TSBP1: variants seen among roughly 807,000 people sequenced by gnomAD.
TSBP1 encodes testis-expressed basic protein 1.
A neutral mutation model predicts 68.8 loss-of-function variants in TSBP1; 56 were observed. The observed-to-expected ratio is 0.81, with a 90% CI of 0.66 to 1.02. The LOEUF is 1.02. TSBP1 is among the 50% of genes least tolerant of loss of function. The pLI, the probability that TSBP1 is intolerant of heterozygous loss-of-function variation, is 0.00. For synonymous variants in TSBP1, 171 were observed against 208.7 expected (o/e 0.82, Z 1.56); for missense variants, 502 against 641.2 (o/e 0.78, Z 2.34).
At position 32,365,586 on chromosome 6, in the gene TSBP1, T is replaced by C. The variant is rs1357061591; in HGVS notation, c.217+581A>G. ...TCAATGTTCTGGGTGGAGTGAGAAA[T>C]AAGTGGGCTTATCGGACAGCATCCT... On this transcript the variant is annotated intron_variant, in intron 6 of 22. Transcript: ENST00000612031. This position sits in a 1 kb window ranked among gnomAD's most constrained non-coding sequence, Gnocchi z 4.3. 3 of 456,436 alleles carry C rather than the reference T, an allele frequency of 6.6e-6. No individual in the cohort carries two copies. The highest frequency in any genetic ancestry group is 6.0e-5 in the African/African-American group (3 of 50,140). 28.3% of individuals were successfully genotyped at this position (456,436 alleles called of 1,614,324 possible).
In TSBP1 at chr6:32,321,011, T is replaced by C. The variant is rs938249631; in HGVS notation, c.559+2106A>G. On this transcript the variant is annotated intron_variant, in intron 18 of 22. Transcript: ENST00000612031. The surrounding 1 kb of genome is among the most constrained non-coding windows in gnomAD (Gnocchi z 4.3). The stretch of plus-strand genomic sequence containing the variant: ...TCCATCCGTGTTCCAGCAAAGGACA[T>C]GATCTCATTCTTTTTTTGGCTGCGT... 3.3e-5 allele frequency among the ~76,000 whole-genome samples: 5 copies of C among 152,208 alleles called. No individual in the cohort carries two copies. Among genetic ancestry groups the C allele is most frequent in the African/African-American group, 9.6e-5 (4 of 41,452 alleles).
chr6:32,316,552 A>G lies in TSBP1; in HGVS notation c.560-760T>C. 1 of 691,066 alleles carries G rather than the reference A, an allele frequency of 1.4e-6. No individual in the cohort carries two copies. The highest frequency in any genetic ancestry group is 2.5e-6 in the Non-Finnish European group (1 of 397,488). The allele number at this position is 691,066 out of a possible 1,614,324, so 42.8% of individuals were successfully genotyped here. On this transcript the variant is annotated intron_variant, in intron 18 of 22. Coordinates refer to ENST00000612031, the Ensembl canonical transcript of TSBP1. The surrounding 1 kb of genome is among the most constrained non-coding windows in gnomAD (Gnocchi z 4.5). ...GGCTAATTCTCTGTTAAAAGCTCCA[A>G]TTCTTTATGACTGCATTCTTGGGTA... is the stretch of plus-strand genomic sequence containing the variant.
chr6:32,323,105 T>C lies in TSBP1; in HGVS notation c.559+12A>G, dbSNP rs1184223338. The C allele has an allele frequency of 1.3e-6, 2 of 1,568,764 alleles. No homozygotes were observed. Among genetic ancestry groups the C allele is most frequent in the Non-Finnish European group, 1.7e-6 (2 of 1,143,848 alleles). ...TAGAGAACCAAAGAAGAAAAAGAGA[T>C]GTTATACTTACTTATGGGTGCCATG... On this transcript the variant is annotated intron_variant, in intron 18 of 22. Coordinates refer to ENST00000612031, the Ensembl canonical transcript of TSBP1.
Position 32,325,921 on chromosome 6 carries a change from G to T in TSBP1, c.515-2307C>A. 6.4e-7 allele frequency: 1 copy of T among 1,554,628 alleles called. No individual in the cohort carries two copies. Among genetic ancestry groups the T allele is most frequent in the East Asian group, 2.2e-5 (1 of 44,670 alleles). Reference sequence around the variant, plus strand: ...CTTTGGTGGCAGCTGTGGTGGTGGTGGATATGGTGGCAGTGAGGATGGCTA... The same window carrying T: ...CTTTGGTGGCAGCTGTGGTGGTGGTTGATATGGTGGCAGTGAGGATGGCTA... On this transcript the variant is annotated intron_variant, in intron 16 of 22. Transcript: ENST00000612031. This position sits in a 1 kb window ranked among gnomAD's most constrained non-coding sequence, Gnocchi z 4.4.
intron 8 of TSBP1, 115 bp downstream of exon 8, chr6:32,355,009 T>A (rs940154074): frequency 1.3e-6 from 1 of 760,704 alleles, no homozygotes; most frequent in Admixed American, 2.7e-5. Flanking sequence ...TATACAAGTG[T>A]TAATTATTTT....
chr6:32,325,935 T>G lies in TSBP1; in HGVS notation c.515-2321A>C. Reference sequence around the variant, plus strand: ...GTGGTGGTGGTGGATATGGTGGCAGTGAGGATGGCTATAATGGATTTGGTA... The same window carrying G: ...GTGGTGGTGGTGGATATGGTGGCAGGGAGGATGGCTATAATGGATTTGGTA... On this transcript the variant is annotated intron_variant, in intron 16 of 22. Transcript: ENST00000612031. This position sits in a 1 kb window ranked among gnomAD's most constrained non-coding sequence, Gnocchi z 4.4. 6.4e-7 allele frequency: 1 copy of G among 1,559,794 alleles called. No homozygotes were observed. The highest frequency in any genetic ancestry group is 8.7e-7 in the Non-Finnish European group (1 of 1,145,508).
intron 6 of TSBP1, among the ~76,000 whole-genome samples, chr6:32,360,973 G>A (rs1269695030): frequency 6.6e-6 from 1 of 151,532 alleles, no homozygotes. Context: ...TTGGTGTGCT[G>A]CACCCATTAA....
At chr6:32,317,758 C>T (rs574272700) in intron 18 of TSBP1, among the ~76,000 whole-genome samples, 3 of 152,174 alleles carry the variant, frequency 2.0e-5, no homozygotes, top group Non-Finnish European at 4.4e-5. Context: ...CAATGAGATA[C>T]CATCTCACAC....
At chr6:32,324,397 T>C in intron 16 of TSBP1, 1 of 630,150 alleles carries the variant, frequency 1.6e-6, no homozygotes, top group Non-Finnish European at 2.9e-6. Context: ...TTTGTAAAAT[T>C]TTTTTCTCTG....
rs9268356 is a variant in TSBP1 at position 32,365,143 on chromosome 6, C to T, written c.217+1024G>A. On this transcript the variant is annotated intron_variant, in intron 6 of 22. Transcript: ENST00000612031. This position sits in a 1 kb window ranked among gnomAD's most constrained non-coding sequence, Gnocchi z 4.3. ...CTAGTCTCAAGAAGTCCTCCTGCCT[C>T]GGCCTCCCAAAGTGCTGGGATTTCA... is the stretch of plus-strand genomic sequence containing the variant. Among the ~76,000 whole-genome samples, 43,962 of 151,396 alleles carry T rather than the reference C, an allele frequency of 0.29. 7,394 individuals are homozygous for T. Among genetic ancestry groups the T allele is most frequent in the African/African-American group, 0.44 (18,157 of 41,184 alleles).
chr6:32,345,877 C>A (rs1770956793), intron 9 of TSBP1, among the ~76,000 whole-genome samples: 1 of 152,148 alleles, frequency 6.6e-6, no homozygotes, highest in Non-Finnish European at 1.5e-5. Flanking sequence ...TCTGTAGGAG[C>A]ACACGTCATC....
At chr6:32,350,196 A>G (rs761188) in intron 8 of TSBP1, 179,414 of 468,410 alleles carry the variant, frequency 0.38, 36,428 homozygotes, top group African/African-American at 0.55. Flanking sequence ...ACACCAAACA[A>G]TTACCACCTA....
Position 32,315,821 on chromosome 6 carries a change from T to A in TSBP1, c.560-29A>T, listed in dbSNP as rs1281665382. 2 of 1,419,940 alleles carry A rather than the reference T, an allele frequency of 1.4e-6. No homozygotes were observed. Among genetic ancestry groups the A allele is most frequent in the Non-Finnish European group, 1.9e-6 (2 of 1,046,574 alleles). 88.0% of individuals were successfully genotyped at this position (1,419,940 alleles called of 1,614,324 possible). On this transcript the variant is annotated intron_variant, in intron 18 of 22. Transcript: ENST00000612031. The surrounding 1 kb of genome is among the most constrained non-coding windows in gnomAD (Gnocchi z 5.4). ...AAAAATAAGCAAAAAGAAATCCATT[T>A]AATTTTTCTCAAATGGAGAAAACAT... is the stretch of plus-strand genomic sequence containing the variant.
chr6:32,324,436 T>G (rs1271192588), intron 16 of TSBP1: 2 of 717,416 alleles, frequency 2.8e-6, no homozygotes, highest in Admixed American at 4.0e-5. Flanking sequence ...CTTTTTGCAG[T>G]GACTGGTAAC....
At chr6:32,368,747 C>G in intron 3 of TSBP1, 35 bp downstream of exon 3, 2 of 1,544,846 alleles carry the variant, frequency 1.3e-6, no homozygotes, top group Non-Finnish European at 1.8e-6. Context: ...TCTATAAGTA[C>G]TATATTTATT....
chr6:32,363,033 T>C (rs1173833402), intron 6 of TSBP1, among the ~76,000 whole-genome samples: 1 of 152,216 alleles, frequency 6.6e-6, no homozygotes, highest in Non-Finnish European at 1.5e-5. Flanking sequence ...GTAAATATTA[T>C]ATATTTAGGT....
At chr6:32,320,293 T>G in intron 18 of TSBP1, 1 of 452,988 alleles carries the variant, frequency 2.2e-6, no homozygotes, top group South Asian at 1.6e-5. Context: ...CCAGCAGGGC[T>G]CTGCACCCTG....
intron 19 of TSBP1, among the ~76,000 whole-genome samples, chr6:32,308,675 A>G (rs1318082138): frequency 6.7e-6 from 1 of 150,304 alleles, no homozygotes; most frequent in African/African-American, 2.4e-5. Flanking sequence ...GGACTAATAT[A>G]GTTTTCTTTC....
At chr6:32,365,000 C>A (rs1484652590) in intron 6 of TSBP1, among the ~76,000 whole-genome samples, 1 of 151,986 alleles carries the variant, frequency 6.6e-6, no homozygotes, top group Admixed American at 6.6e-5. Flanking sequence ...CTCAAGCAAT[C>A]CTCCCACCTC....
Sources: gnomAD v4.1 joint callset for allele counts (sites outside exome capture counted in the v4.1 genomes callset) on GRCh38, gnomAD v4.1.1 for gene constraint, Gnocchi (gnomAD v3.1) non-coding constraint, MANE v1.5 for transcripts, NCBI Gene and HGNC (gene_info 2026-07-23, HGNC 2026-07-21) for gene names.